The following SHANK1 variants were observed in gnomAD, a reference collection of about 807,000 sequenced individuals.
The protein encoded by SHANK1 is SH3 and multiple ankyrin repeat domains protein 1.
A neutral mutation model predicts 165.6 loss-of-function variants in SHANK1; 35 were observed. That is an observed-to-expected ratio of 0.21 (90% CI 0.16 to 0.28). The LOEUF is 0.28. Among genes scored for constraint, SHANK1 ranks in the 10% least tolerant of loss-of-function variants. The probability of loss-of-function intolerance (pLI) is 1.00; values close to 1 mark genes in which losing one functional copy is unlikely to be tolerated. For synonymous variants in SHANK1, 1,428 were observed against 1,384.8 expected (o/e 1.03, Z -0.69); for missense variants, 2,681 against 3,036.4 (o/e 0.88, Z 2.75).
intron 23 of SHANK1, among the ~76,000 whole-genome samples, chr19:50,665,580 A>G (rs1209940667): frequency 5.4e-5 from 8 of 148,048 alleles, no homozygotes; most frequent in Non-Finnish European, 1.0e-4. Flanking sequence ...AAAAAAAAAA[A>G]AAAAAAAAAA....
chr19:50,693,074 ATCCGTGGAAACC>A (rs146839885), intron 15 of SHANK1, among the ~76,000 whole-genome samples: 4,967 of 151,220 alleles, frequency 0.033, 123 homozygotes, highest in Non-Finnish European at 0.05. Context: ...CCTCTTTTGC[ATCCGTGGAAACC>A]TCCACCTATT....
intron 8 of SHANK1, among the ~76,000 whole-genome samples, chr19:50,709,559 T>C (rs1182836715): frequency 4.0e-5 from 6 of 151,444 alleles, no homozygotes; most frequent in African/African-American, 1.5e-4. Context: ...AATTCTAATT[T>C]TTTTTTTTAA....
intron 7 of SHANK1, 62 bp from the exon 8 acceptor site, chr19:50,711,549 G>A: frequency 1.6e-6 from 2 of 1,238,888 alleles, no homozygotes; most frequent in South Asian, 1.3e-5. Flanking sequence ...TCTGGGCCAA[G>A]AGTCTGTCTA....
rs1340478179 is a variant in SHANK1 at position 50,717,643 on chromosome 19, G to A, written c.-43-681C>T. On this transcript the variant is annotated intron_variant, in intron 1 of 23. Transcript: ENST00000293441. The surrounding 1 kb of genome is among the most constrained non-coding windows in gnomAD (Gnocchi z 5.5). ...GGTGTCCCCAAGGGAACCACAAGAG[G>A]TGGCTTTTGGAGACTGGGGCATCTT... Among the ~76,000 whole-genome samples, 1 of 152,334 alleles carries A rather than the reference G, an allele frequency of 6.6e-6. No homozygotes were observed. The highest frequency in any genetic ancestry group is 2.4e-5 in the African/African-American group (1 of 41,572).
chr19:50,692,675 C>A (rs910707643), intron 15 of SHANK1, among the ~76,000 whole-genome samples: 1 of 151,648 alleles, frequency 6.6e-6, no homozygotes, highest in Non-Finnish European at 1.5e-5. Context: ...CTTGAACTTC[C>A]CAACTGCTCT....
At chr19:50,695,059 C>A (rs1986688242) in intron 15 of SHANK1, among the ~76,000 whole-genome samples, 1 of 146,696 alleles carries the variant, frequency 6.8e-6, no homozygotes. Context: ...GGCCCCAGCC[C>A]CGGCCCGGGT....
Position 50,668,286 on chromosome 19 carries a change from G to A in SHANK1, c.3674C>T (p.Thr1225Met), listed in dbSNP as rs1599841137. The change falls in exon 23 of 24, where the codon ACG becomes ATG. Residue 1225 changes from threonine (T) to methionine (M), a missense_variant. Coordinates refer to ENST00000293441, the MANE Select transcript of SHANK1 (RefSeq NM_016148.5). ...PTPASPSGPA[T>M]LDFTSQFGAA... The stretch of plus-strand genomic sequence containing the variant: ...CCCGAACTGGCTCGTGAAGTCCAGC[G>A]TGGCCGGGCCGCTGGGCGAGGCGGG... 7.5e-7 allele frequency: 1 copy of A among 1,326,346 alleles called. No homozygotes were observed. Among genetic ancestry groups the A allele is most frequent in the East Asian group, 3.0e-5 (1 of 33,174 alleles). 82.2% of individuals were successfully genotyped at this position (1,326,346 alleles called of 1,614,324 possible).
intron 15 of SHANK1, among the ~76,000 whole-genome samples, chr19:50,695,138 T>A (rs1986692525): frequency 7.1e-6 from 1 of 141,170 alleles, no homozygotes; most frequent in Non-Finnish European, 1.6e-5. Context: ...CGAACCCCCG[T>A]GTCCGGGCCC....
intron 18 of SHANK1, 46 bp downstream of exon 18, chr19:50,687,877 G>A (rs1986408621): frequency 6.2e-7 from 1 of 1,611,752 alleles, no homozygotes; most frequent in African/African-American, 1.3e-5. Flanking sequence ...CCGCAGGGCT[G>A]AGCCTGGTGG....
At chr19:50,705,185 T>C (rs948336770) in intron 8 of SHANK1, among the ~76,000 whole-genome samples, 2 of 143,000 alleles carry the variant, frequency 1.4e-5, no homozygotes, top group African/African-American at 5.2e-5. Flanking sequence ...TATCAGAAAA[T>C]ACAAAAATTA....
At chr19:50,682,927 G>T (rs919179222) in intron 21 of SHANK1, among the ~76,000 whole-genome samples, 4 of 152,304 alleles carry the variant, frequency 2.6e-5, no homozygotes, top group Admixed American at 1.3e-4. Flanking sequence ...GGAGGCTCAG[G>T]TGATCCTCCC....
At position 50,662,226 on chromosome 19, in the gene SHANK1, G is replaced by C. The variant is rs1467714736; in HGVS notation, c.6225C>G (p.Ser2075=). The change falls in exon 24 of 24, where the codon TCC becomes TCG. Residue 2075 remains serine, a synonymous_variant. Transcript: ENST00000293441. This position sits in a 1 kb window ranked among gnomAD's most constrained non-coding sequence, Gnocchi z 7.7. ...LGGALSGASR[S]LSPTRLLSLP... ...GCGAGAGCAGGCGGGTCGGTGAGAG[G>C]GAGCGCGAGGCCCCTGACAAGGCTC... The C allele has an allele frequency of 6.2e-7, 1 of 1,610,090 alleles. No homozygotes were observed. Among genetic ancestry groups the C allele is most frequent in the Admixed American group, 1.7e-5 (1 of 59,728 alleles).
intron 23 of SHANK1, among the ~76,000 whole-genome samples, chr19:50,664,999 C>T (rs1363420851): frequency 1.3e-5 from 2 of 152,154 alleles, no homozygotes; most frequent in Admixed American, 1.3e-4. Context: ...CCTCATGATC[C>T]ACCCGCCTCA....
chr19:50,683,529 A>G (rs1568433743), intron 21 of SHANK1, among the ~76,000 whole-genome samples: 2 of 152,068 alleles, frequency 1.3e-5, no homozygotes, highest in Admixed American at 6.6e-5. Context: ...TTTTCTCCAT[A>G]AGGCACATCA....
rs1568429297 is a variant in SHANK1, at chr19:50,670,986, G to A, written c.2674+1032C>T. ...TTTTTGTATTTTTAGTAGAAATGGG[G>A]TTTCATCATGTTGGTCAGGCTGGTC... On this transcript the variant is annotated intron_variant, in intron 22 of 23. Coordinates refer to ENST00000293441, the MANE Select transcript of SHANK1 (RefSeq NM_016148.5). This position sits in a 1 kb window ranked among gnomAD's most constrained non-coding sequence, Gnocchi z 4.1. Among the ~76,000 whole-genome samples, 1 of 151,288 alleles carries A rather than the reference G, an allele frequency of 6.6e-6. No homozygotes were observed. The highest frequency in any genetic ancestry group is 1.9e-4 in the East Asian group (1 of 5,130).
At chr19:50,689,379 C>T (rs759045710) in intron 15 of SHANK1, 100 bp from the exon 16 acceptor site, 2 of 861,404 alleles carry the variant, frequency 2.3e-6, no homozygotes, top group East Asian at 4.9e-5. Context: ...AGACCCAAAC[C>T]TCTGCTCCAG....
At chr19:50,696,184 G>A (rs1360602704) in intron 15 of SHANK1, among the ~76,000 whole-genome samples, 1 of 152,300 alleles carries the variant, frequency 6.6e-6, no homozygotes, top group East Asian at 1.9e-4. Flanking sequence ...TAGGACAAGT[G>A]ACCCCCACAG....
In SHANK1 at chr19:50,686,200, C is replaced by G; in HGVS notation, c.2577+37G>C. ...CTCCAGGTTGGTGTGTGAACCGCCT[C>G]CCCCCTGGCAGTTCCTCCCCACACC... On this transcript the variant is annotated intron_variant, in intron 21 of 23. Transcript: ENST00000293441. The surrounding 1 kb of genome is among the most constrained non-coding windows in gnomAD (Gnocchi z 5.7). 7.9e-7 allele frequency: 1 copy of G among 1,269,216 alleles called. No homozygotes were observed. Among genetic ancestry groups the G allele is most frequent in the South Asian group, 1.4e-5 (1 of 73,048 alleles). The allele number at this position is 1,269,216 out of a possible 1,614,324, so 78.6% of individuals were successfully genotyped here. A position where few individuals can be genotyped will look rare whatever the true frequency, so the allele number is the denominator to read the frequency against.
chr19:50,669,236 G>A lies in SHANK1; in HGVS notation c.2724C>T (p.Phe908=). Residue 908 remains phenylalanine (F), a synonymous_variant, in exon 23 of 24, where the codon TTC becomes TTT. Coordinates refer to ENST00000293441, the MANE Select transcript of SHANK1 (RefSeq NM_016148.5). ...AACCAGGCACAGACAGGCTGCGGCT[G>A]AATTTCATGGCTGGGGGTGCTAGGT... The part of the protein sequence containing the change: ...RPYLAPPAMK[F]SRSLSVPGSE... The A allele has an allele frequency of 6.2e-7, 1 of 1,612,188 alleles. No individual in the cohort carries two copies. Among genetic ancestry groups the A allele is most frequent in the Non-Finnish European group, 8.5e-7 (1 of 1,179,192 alleles).
Sources: allele counts gnomAD v4.1 joint callset (sites outside exome capture counted in the v4.1 genomes callset), GRCh38; gene constraint gnomAD v4.1.1; non-coding constraint Gnocchi (gnomAD v3.1); transcripts MANE v1.5; gene names NCBI Gene and HGNC (gene_info 2026-07-23, HGNC 2026-07-21).